The following CSMD1 variants were observed in gnomAD, a reference collection of about 807,000 sequenced individuals.
The protein encoded by CSMD1 is CUB and sushi domain-containing protein 1.
A neutral mutation model predicts 417.5 loss-of-function variants in CSMD1; 213 were observed. The observed-to-expected ratio is 0.51, with a 90% CI of 0.46 to 0.57. The LOEUF (loss-of-function observed/expected upper bound fraction) is 0.57, where lower values mean the gene tolerates loss of function less well. Ranked by LOEUF, CSMD1 falls within the 20% of genes least tolerant of loss-of-function variation. CSMD1 has a pLI of 0.00. For missense variants in CSMD1, 6,923 were observed against 4,529.7 expected (o/e 1.53, Z -15.17); for synonymous variants, 2,862 against 1,736.8 (o/e 1.65, Z -16.11).
chr8:3,933,570 T>A (rs150358891), intron 5 of CSMD1, among the ~76,000 whole-genome samples: 1 of 152,160 alleles, frequency 6.6e-6, no homozygotes, highest in Admixed American at 6.6e-5. Context: ...ACAGGATACA[T>A]TGAGAAAATA....
intron 26 of CSMD1, among the ~76,000 whole-genome samples, chr8:3,274,261 G>C (rs56196864): frequency 0.27 from 41,432 of 151,412 alleles, 5,805 homozygotes; most frequent in African/African-American, 0.34. Context: ...TTAATCCTGA[G>C]TTCTAGTTTG....
chr8:3,827,849 T>C (rs906344886), intron 5 of CSMD1, among the ~76,000 whole-genome samples: 1 of 152,188 alleles, frequency 6.6e-6, no homozygotes, highest in Non-Finnish European at 1.5e-5. Context: ...TCACAGTGCA[T>C]GTCACAGAAG....
intron 5 of CSMD1, among the ~76,000 whole-genome samples, chr8:3,933,600 T>C (rs1305767164): frequency 6.6e-6 from 1 of 152,046 alleles, no homozygotes; most frequent in Admixed American, 6.6e-5. Context: ...GTAGAACTGT[T>C]AAGATTTGCT....
At chr8:3,523,859 GCACA>G (rs990446637) in intron 10 of CSMD1, among the ~76,000 whole-genome samples, 1 of 126,482 alleles carries the variant, frequency 7.9e-6, no homozygotes, top group African/African-American at 3.1e-5. Flanking sequence ...GCATGCGCAT[GCACA>G]CACTTACACA....
intron 3 of CSMD1, among the ~76,000 whole-genome samples, chr8:4,204,962 T>TA (rs1405128125): frequency 2.0e-5 from 3 of 152,208 alleles, no homozygotes; most frequent in African/African-American, 7.2e-5. Flanking sequence ...ATCTGGCCTA[T>TA]AAAAATTGTT....
At chr8:3,398,314 C>G (rs1272510561) in intron 16 of CSMD1, among the ~76,000 whole-genome samples, 1 of 152,204 alleles carries the variant, frequency 6.6e-6, no homozygotes, top group African/African-American at 2.4e-5. Flanking sequence ...ATTGATTATA[C>G]ACAGTAATTC....
intron 5 of CSMD1, among the ~76,000 whole-genome samples, chr8:3,917,791 T>G (rs1040848022): frequency 6.6e-6 from 1 of 152,136 alleles, no homozygotes; most frequent in Non-Finnish European, 1.5e-5. Flanking sequence ...ACACCTATTA[T>G]TAGTTTTGCC....
intron 10 of CSMD1, among the ~76,000 whole-genome samples, chr8:3,497,759 A>G (rs573903905): frequency 3.9e-5 from 6 of 151,962 alleles, no homozygotes; most frequent in Admixed American, 6.6e-5. Context: ...TCACTTGGTT[A>G]TTTCTGTTCT....
rs552621814 is a variant in CSMD1 at position 3,292,399 on chromosome 8, G to A, written c.3951-8053C>T. ...GGTATCCTTGTTAACTTTCTGTCTC[G>A]TTGATCTGTCTAATGTTGACAGTGG... On this transcript the variant is annotated intron_variant, in intron 25 of 69. Transcript: ENST00000635120. Among the ~76,000 whole-genome samples, 22 of 152,130 alleles carry A rather than the reference G, an allele frequency of 1.4e-4. No individual in the cohort carries two copies. In the East Asian group the frequency reaches 2.7e-3, roughly 19 times the overall value.
intron 12 of CSMD1, among the ~76,000 whole-genome samples, chr8:3,434,262 CTG>C (rs1340951917): frequency 6.6e-6 from 1 of 152,130 alleles, no homozygotes; most frequent in Non-Finnish European, 1.5e-5. Context: ...TTTTTTAAAA[CTG>C]TGTTTCATTT....
At chr8:4,138,393 T>C (rs1803568794) in intron 3 of CSMD1, among the ~76,000 whole-genome samples, 1 of 152,024 alleles carries the variant, frequency 6.6e-6, no homozygotes, top group Non-Finnish European at 1.5e-5. Context: ...GCACTTTGCC[T>C]CCTTACGTCC....
chr8:4,382,610 A>G (rs183128960), intron 3 of CSMD1, among the ~76,000 whole-genome samples: 56 of 152,344 alleles, frequency 3.7e-4, no homozygotes, highest in African/African-American at 1.3e-3. Context: ...ATTAAATCTT[A>G]AAGGTCATAC....
At chr8:4,010,190 G>C (rs772115093) in intron 4 of CSMD1, among the ~76,000 whole-genome samples, 1 of 151,986 alleles carries the variant, frequency 6.6e-6, no homozygotes, top group South Asian at 2.1e-4. Flanking sequence ...ACGTACACTG[G>C]TCCTGCTGGC....
intron 5 of CSMD1, among the ~76,000 whole-genome samples, chr8:3,820,641 T>G (rs1306021536): frequency 6.6e-6 from 1 of 152,246 alleles, no homozygotes; most frequent in South Asian, 2.1e-4. Flanking sequence ...AGTGGCGTAA[T>G]CTCGGCTCAG....
intron 3 of CSMD1, among the ~76,000 whole-genome samples, chr8:4,353,607 C>A (rs1386375547): frequency 6.6e-6 from 1 of 151,948 alleles, no homozygotes; most frequent in African/African-American, 2.4e-5. Context: ...ATGCATAAGG[C>A]AACTAAAGAG....
intron 1 of CSMD1, among the ~76,000 whole-genome samples, chr8:4,875,144 T>C (rs1802970057): frequency 6.6e-6 from 1 of 151,896 alleles, no homozygotes; most frequent in African/African-American, 2.4e-5. Flanking sequence ...GGTAAGGTAG[T>C]ATGTGCTCTG....
At chr8:4,227,394 T>C (rs1051466326) in intron 3 of CSMD1, among the ~76,000 whole-genome samples, 2 of 152,092 alleles carry the variant, frequency 1.3e-5, no homozygotes, top group African/African-American at 4.8e-5. Context: ...TATCCACTTA[T>C]AAGAACCCTG....
intron 5 of CSMD1, among the ~76,000 whole-genome samples, chr8:3,954,600 G>C (rs1052285516): frequency 1.3e-5 from 2 of 152,210 alleles, no homozygotes; most frequent in African/African-American, 2.4e-5. Flanking sequence ...CTGACCTCGT[G>C]ATCCGCCCAC....
chr8:4,945,857 G>T (rs1484277453), intron 1 of CSMD1, among the ~76,000 whole-genome samples: 2 of 152,136 alleles, frequency 1.3e-5, no homozygotes, highest in Non-Finnish European at 2.9e-5. Flanking sequence ...ACTGAAACTA[G>T]CAGGATTTGG....
Sources: gnomAD v4.1 joint callset for allele counts (sites outside exome capture counted in the v4.1 genomes callset) on GRCh38, gnomAD v4.1.1 for gene constraint, MANE v1.5 for transcripts, NCBI Gene and HGNC (gene_info 2026-07-23, HGNC 2026-07-21) for gene names.